The following UBA6 variants were observed in gnomAD, a reference collection of about 807,000 sequenced individuals.
UBA6 encodes the protein ubiquitin-like modifier-activating enzyme 6.
UBA6 carries 87 observed loss-of-function variants against 148.3 expected under a neutral mutation model. The observed-to-expected ratio is 0.59, with a 90% CI of 0.49 to 0.70. UBA6 has a LOEUF of 0.70. UBA6 is among the 30% of genes least tolerant of loss of function. The pLI is 0.00. For missense variants in UBA6, 1,186 were observed against 1,241.2 expected (o/e 0.96, Z 0.67); for synonymous variants, 376 against 401.0 (o/e 0.94, Z 0.75).
chr4:67,616,308 G>T lies in UBA6; in HGVS notation c.*2689C>A. 2.7e-6 allele frequency: 1 copy of T among 375,158 alleles called. No homozygotes were observed. The highest frequency in any genetic ancestry group is 4.7e-6 in the Non-Finnish European group (1 of 211,546). The allele number at this position is 375,158 out of a possible 1,614,324, so 23.2% of individuals were successfully genotyped here. ...TATAGTGGAAAGATTTAGGTCACGA[G>T]ATTTTTTTTTTCCCTAAAAATTTCA... On this transcript the variant is annotated 3_prime_UTR_variant, in exon 33 of 33. Coordinates refer to ENST00000322244, the MANE Select transcript of UBA6 (RefSeq NM_018227.6).
intron 17 of UBA6, among the ~76,000 whole-genome samples, chr4:67,642,834 C>T (rs1407989278): frequency 6.6e-6 from 1 of 151,872 alleles, no homozygotes; most frequent in East Asian, 1.9e-4. Context: ...CTTCTTCTCC[C>T]TTATCTTTAT....
At chr4:67,666,373 A>G (rs185203724) in intron 9 of UBA6, among the ~76,000 whole-genome samples, 5 of 150,612 alleles carry the variant, frequency 3.3e-5, no homozygotes, top group African/African-American at 7.3e-5. Flanking sequence ...ATACTATATA[A>G]TATGTAATAT....
At chr4:67,691,384 A>G (rs1730690564) in intron 2 of UBA6, among the ~76,000 whole-genome samples, 1 of 152,238 alleles carries the variant, frequency 6.6e-6, no homozygotes, top group African/African-American at 2.4e-5. Flanking sequence ...TCATAAGTGC[A>G]TAAAAGTCAC....
chr4:67,671,135 T>C (rs994665235), intron 7 of UBA6, among the ~76,000 whole-genome samples: 1 of 152,188 alleles, frequency 6.6e-6, no homozygotes, highest in African/African-American at 2.4e-5. Flanking sequence ...ATAAATGTTT[T>C]ATTAAAAGCA....
At chr4:67,642,868 T>C (rs1239744050) in intron 17 of UBA6, among the ~76,000 whole-genome samples, 1 of 152,018 alleles carries the variant, frequency 6.6e-6, no homozygotes, top group East Asian at 1.9e-4. Flanking sequence ...ACTAGACCTA[T>C]GTTGGACCTT....
chr4:67,645,622 T>A (rs892544498), intron 16 of UBA6, among the ~76,000 whole-genome samples: 2 of 151,606 alleles, frequency 1.3e-5, no homozygotes, highest in Non-Finnish European at 2.9e-5. Context: ...AAATACAGAA[T>A]ACACTTCTAT....
intron 1 of UBA6, among the ~76,000 whole-genome samples, chr4:67,697,100 G>A (rs776508719): frequency 1.3e-5 from 2 of 152,088 alleles, no homozygotes; most frequent in African/African-American, 2.4e-5. Flanking sequence ...CCACCTCCTG[G>A]TTTCAGACGA....
chr4:67,695,467 G>C (rs564708975), intron 2 of UBA6, among the ~76,000 whole-genome samples: 3 of 152,024 alleles, frequency 2.0e-5, no homozygotes, highest in African/African-American at 4.8e-5. Flanking sequence ...TCAATAAAAT[G>C]GCTACTCTTA....
chr4:67,636,162 T>C (rs1729133223), intron 19 of UBA6, among the ~76,000 whole-genome samples: 1 of 152,168 alleles, frequency 6.6e-6, no homozygotes, highest in Non-Finnish European at 1.5e-5. Flanking sequence ...TGACATCATA[T>C]GTTGGGCACT....
intron 2 of UBA6, among the ~76,000 whole-genome samples, chr4:67,690,310 GAATCA>G (rs1408521216): frequency 6.6e-6 from 1 of 152,002 alleles, no homozygotes; most frequent in African/African-American, 2.4e-5. Flanking sequence ...AAATCAAAAT[GAATCA>G]AAGACTTAAA....
chr4:67,648,941 T>C lies in UBA6; in HGVS notation c.1248+127A>G, dbSNP rs75546007. ...GAATCAAGTGTTGGAGGCATACTGCTTGCATCTCTTTCATGCATCAAAAAG... is the reference window on the plus strand; with the variant it reads ...GAATCAAGTGTTGGAGGCATACTGCCTGCATCTCTTTCATGCATCAAAAAG... On this transcript the variant is annotated intron_variant, in intron 14 of 32. Coordinates refer to ENST00000322244, the MANE Select transcript of UBA6 (RefSeq NM_018227.6). The C allele has an allele frequency of 1.2e-3, 1,113 of 942,148 alleles. 10 individuals carry two copies. In the African/African-American group the frequency reaches 0.017, roughly 14 times the overall value. 58.4% of individuals were successfully genotyped at this position (942,148 alleles called of 1,614,324 possible).
intron 2 of UBA6, among the ~76,000 whole-genome samples, chr4:67,690,820 G>A (rs1404208708): frequency 6.6e-6 from 1 of 152,108 alleles, no homozygotes; most frequent in East Asian, 1.9e-4. Flanking sequence ...CAACAATGTG[G>A]AGAAATTGGA....
At chr4:67,624,065 T>C in intron 30 of UBA6, 61 bp downstream of exon 30, 1 of 1,402,080 alleles carries the variant, frequency 7.1e-7, no homozygotes, top group Non-Finnish European at 9.5e-7. Flanking sequence ...TTTTCCCTTT[T>C]AAAAGGTAAA....
Position 67,623,121 on chromosome 4 carries a change from CAA to C in UBA6, c.2928+12_2928+13del, listed in dbSNP as rs756709655. 3 of 1,594,692 alleles carry C rather than the reference CAA, an allele frequency of 1.9e-6. No individual in the cohort carries two copies. The African/African-American group carries it at 4.0e-5, about 21-fold the overall frequency. On this transcript the variant is annotated intron_variant, in intron 31 of 32. Transcript: ENST00000322244. ...TAAAGCTACTAATGAACTAAATGAA[CAA>C]AAGTATCTCACTTTGACTGCATTTA...
chr4:67,691,387 A>G (rs1479379258), intron 2 of UBA6, among the ~76,000 whole-genome samples: 1 of 152,188 alleles, frequency 6.6e-6, no homozygotes, highest in East Asian at 1.9e-4. Context: ...TAAGTGCATA[A>G]AAGTCACTGT....
intron 2 of UBA6, 29 bp from the exon 3 acceptor site, chr4:67,682,242 A>G (rs755880904): frequency 1.3e-6 from 2 of 1,534,648 alleles, no homozygotes; most frequent in Non-Finnish European, 1.8e-6. Flanking sequence ...AAAAAACAAA[A>G]AATTATTTCA....
intron 2 of UBA6, among the ~76,000 whole-genome samples, chr4:67,683,439 A>C (rs1730487316): frequency 6.6e-6 from 1 of 152,150 alleles, no homozygotes; most frequent in Admixed American, 6.5e-5. Flanking sequence ...CCTGGTACAC[A>C]CTTAAGAGTT....
chr4:67,676,718 T>G (rs1730289475), intron 6 of UBA6, among the ~76,000 whole-genome samples: 1 of 152,214 alleles, frequency 6.6e-6, no homozygotes, highest in Admixed American at 6.5e-5. Context: ...GTCTTTTAGC[T>G]AACTGTTCAT....
intron 9 of UBA6, among the ~76,000 whole-genome samples, chr4:67,667,240 T>C (rs2109937056): frequency 6.6e-6 from 1 of 152,290 alleles, no homozygotes; most frequent in African/African-American, 2.4e-5. Flanking sequence ...TATGAACCTG[T>C]ATTCAAAATA....
Sources: gnomAD v4.1 joint callset for allele counts (sites outside exome capture counted in the v4.1 genomes callset) on GRCh38, gnomAD v4.1.1 for gene constraint, MANE v1.5 for transcripts, NCBI Gene and HGNC (gene_info 2026-07-23, HGNC 2026-07-21) for gene names.